Variants in SIL1 observed in about 807,000 individuals in gnomAD.
SIL1 encodes the protein SIL1 nucleotide exchange factor.
Under a neutral mutation model 49.1 loss-of-function variants are expected in SIL1, and 40 were observed. The observed-to-expected ratio is 0.81, with a 90% confidence interval of 0.63 to 1.06. The LOEUF is 1.06. SIL1 is among the 50% of genes least tolerant of loss of function. The probability of loss-of-function intolerance (pLI) is 0.00; values close to 1 mark genes in which losing one functional copy is unlikely to be tolerated. For missense variants in SIL1, 500 were observed against 572.6 expected, an observed-to-expected ratio of 0.87 and a Z score of 1.29; for synonymous variants, 253 against 250.8, an observed-to-expected ratio of 1.01 and a Z score of -0.08.
At chr5:138,954,474 G>A (rs1766858055) in intron 7 of SIL1, among the ~76,000 whole-genome samples, 1 of 152,244 alleles carries the variant, frequency 6.6e-6, no homozygotes, top group Admixed American at 6.5e-5. Flanking sequence ...CACAGCTTCA[G>A]GAGTTTCCTA....
At chr5:139,040,833 G>C (rs1366271482) in intron 5 of SIL1, among the ~76,000 whole-genome samples, 1 of 151,744 alleles carries the variant, frequency 6.6e-6, no homozygotes, top group Non-Finnish European at 1.5e-5. Flanking sequence ...GTAATCTCTT[G>C]GTTATACATT....
At chr5:139,087,626 G>A (rs1770252219) in intron 3 of SIL1, among the ~76,000 whole-genome samples, 1 of 152,116 alleles carries the variant, frequency 6.6e-6, no homozygotes, top group Non-Finnish European at 1.5e-5. Flanking sequence ...GGAACTGGGG[G>A]AGCAATCATA....
chr5:138,972,867 A>G (rs1767311104), intron 7 of SIL1, among the ~76,000 whole-genome samples: 1 of 152,242 alleles, frequency 6.6e-6, no homozygotes. Flanking sequence ...CCCTGGGTCC[A>G]CCAAGTCCAG....
At chr5:139,087,566 T>G (rs1455860722) in intron 3 of SIL1, among the ~76,000 whole-genome samples, 1 of 152,022 alleles carries the variant, frequency 6.6e-6, no homozygotes. Flanking sequence ...ATAAGATGAC[T>G]GCTGATGGGC....
rs1230010350 is a variant in SIL1, at chr5:139,021,098, T to G, written c.767+73A>C. The G allele has an allele frequency of 2.1e-5, 34 of 1,602,194 alleles. 1 individual carries two copies. The highest frequency in any genetic ancestry group is 2.8e-5 in the Non-Finnish European group (33 of 1,169,864). On this transcript the variant is annotated intron_variant, in intron 7 of 9. Coordinates refer to ENST00000394817, the MANE Select transcript of SIL1 (RefSeq NM_022464.5). ...GAAATGTCAGTAGCAACAGGCACAT[T>G]CAAGTGTACCCTTCTTCCAAGCAGA...
intron 3 of SIL1, among the ~76,000 whole-genome samples, chr5:139,099,108 C>T (rs1354114909): frequency 6.6e-6 from 1 of 152,100 alleles, no homozygotes; most frequent in Non-Finnish European, 1.5e-5. Context: ...TGAGCCACCA[C>T]ACCTGGCCTG....
At chr5:138,960,044 A>T (rs902204321) in intron 7 of SIL1, among the ~76,000 whole-genome samples, 3 of 152,214 alleles carry the variant, frequency 2.0e-5, no homozygotes, top group African/African-American at 7.2e-5. Flanking sequence ...GGGTGATATG[A>T]CACCATATAT....
intron 3 of SIL1, among the ~76,000 whole-genome samples, chr5:139,070,365 C>A (rs991647131): frequency 6.6e-6 from 1 of 151,842 alleles, no homozygotes; most frequent in Admixed American, 6.6e-5. Context: ...CCCTGCCAGC[C>A]GGAATATGAA....
intron 3 of SIL1, among the ~76,000 whole-genome samples, chr5:139,082,083 A>G (rs761999337): frequency 9.9e-5 from 15 of 152,174 alleles, no homozygotes; most frequent in Non-Finnish European, 2.1e-4. Flanking sequence ...TACACACATC[A>G]TCTTGTTTAA....
At chr5:139,083,992 G>A (rs36133115) in intron 3 of SIL1, among the ~76,000 whole-genome samples, 38,410 of 106,648 alleles carry the variant, frequency 0.36, 6,611 homozygotes, top group African/African-American at 0.46. Context: ...GATAGTTGTA[G>A]ATATGCGGCA....
intron 7 of SIL1, among the ~76,000 whole-genome samples, chr5:139,011,048 G>C (rs1486028612): frequency 6.0e-5 from 9 of 149,830 alleles, no homozygotes; most frequent in South Asian, 2.2e-4. Flanking sequence ...AATGGCGGGC[G>C]CCCCTCCCCC....
At chr5:138,995,308 C>T (rs1030075370) in intron 7 of SIL1, among the ~76,000 whole-genome samples, 3 of 149,738 alleles carry the variant, frequency 2.0e-5, no homozygotes, top group African/African-American at 5.0e-5. Flanking sequence ...AGTGTAATGG[C>T]GTGATCTCGG....
chr5:139,092,465 T>C (rs771580933), intron 3 of SIL1, among the ~76,000 whole-genome samples: 14 of 152,214 alleles, frequency 9.2e-5, no homozygotes, highest in Non-Finnish European at 1.6e-4. Flanking sequence ...GAGGGGACCC[T>C]TGGCCTCTTC....
At chr5:139,141,964 C>A (rs1751088463) in intron 1 of SIL1, among the ~76,000 whole-genome samples, 1 of 152,180 alleles carries the variant, frequency 6.6e-6, no homozygotes, top group African/African-American at 2.4e-5. Flanking sequence ...AGACCATACA[C>A]TCATCAGCCA....
At chr5:139,015,443 T>G (rs192920656) in intron 7 of SIL1, among the ~76,000 whole-genome samples, 4 of 152,204 alleles carry the variant, frequency 2.6e-5, no homozygotes, top group Non-Finnish European at 5.9e-5. Context: ...ATGATTAACA[T>G]TGATCTTAAA....
chr5:139,188,769 G>A (rs535310374), intron 1 of SIL1, among the ~76,000 whole-genome samples: 1 of 152,322 alleles, frequency 6.6e-6, no homozygotes, highest in African/African-American at 2.4e-5. Flanking sequence ...GAGATAAGGA[G>A]AACATACTAT....
chr5:139,021,410 A>G (rs1768524955), intron 6 of SIL1, 118 bp from the exon 7 acceptor site: 2 of 1,442,938 alleles, frequency 1.4e-6, no homozygotes, highest in South Asian at 1.2e-5. Flanking sequence ...AAAATCAATA[A>G]TGGCCTTTTT....
intron 5 of SIL1, among the ~76,000 whole-genome samples, chr5:139,030,935 G>A (rs1423781259): frequency 6.6e-6 from 1 of 152,096 alleles, no homozygotes; most frequent in African/African-American, 2.4e-5. Flanking sequence ...AAGGATCATG[G>A]AACAATCATA....
At chr5:139,108,796 C>T (rs773826273) in intron 3 of SIL1, among the ~76,000 whole-genome samples, 3 of 151,960 alleles carry the variant, frequency 2.0e-5, no homozygotes, top group African/African-American at 4.8e-5. Flanking sequence ...ATCCCTGCCA[C>T]CTGCCAGTCA....
Sources: allele counts gnomAD v4.1 joint callset (sites outside exome capture counted in the v4.1 genomes callset), GRCh38; gene constraint gnomAD v4.1.1; transcripts MANE v1.5; gene names NCBI Gene and HGNC (gene_info 2026-07-23, HGNC 2026-07-21).